The following IRF7 variants were observed in gnomAD, a reference collection of about 807,000 sequenced individuals.
The protein encoded by IRF7 is interferon regulatory factor-7H.
Under a neutral mutation model 51.3 loss-of-function variants are expected in IRF7, and 67 were observed. The observed-to-expected ratio is 1.31, with a 90% CI of 1.07 to 1.60. The LOEUF (loss-of-function observed/expected upper bound fraction) is 1.60. IRF7 is among the 40% of genes most tolerant of loss of function. IRF7 has a pLI of 0.00. For synonymous variants in IRF7, 427 were observed against 301.3 expected (o/e 1.42, Z -4.32); for missense variants, 873 against 701.5 (o/e 1.24, Z -2.76).
rs1856620745 is a variant in IRF7 at position 613,825 on chromosome 11, CG to C, written c.806del (p.Pro269ArgfsTer23). 2 of 1,586,846 alleles carry C rather than the reference CG, an allele frequency of 1.3e-6. No individual in the cohort carries two copies. The highest frequency in any genetic ancestry group is 1.4e-5 in the African/African-American group (1 of 73,670). On this transcript the variant is annotated frameshift_variant, in exon 8 of 11. Coordinates refer to ENST00000525445, the MANE Select transcript of IRF7 (RefSeq NM_001572.5). LOFTEE classifies it high-confidence loss of function. ...AAPESPHQAEPYLSPSPSACT... is the reference protein window; with the variant it reads ...AAPESPHQAEXYLSPSPSACT... ...AGGCGCTTGGGGAGGGTGACAGGTA[CG>C]GCTCTGCCTGGTGCGGGGACTCTGG...
chr11:614,749 G>A (rs981958028), intron 4 of IRF7, 48 bp downstream of exon 4: 3 of 1,500,858 alleles, frequency 2.0e-6, no homozygotes, highest in Non-Finnish European at 2.7e-6. Context: ...GTTCCCCTTT[G>A]CCCAAGCAGG....
chr11:613,765 C>T lies in IRF7; in HGVS notation c.847+20G>A, dbSNP rs751420564. 7 of 1,505,752 alleles carry T rather than the reference C, an allele frequency of 4.6e-6. No individual in the cohort carries two copies. In the East Asian group the frequency reaches 7.3e-5, roughly 16 times the overall value. 93.3% of individuals were successfully genotyped at this position (1,505,752 alleles called of 1,614,324 possible). ...CGGGGGTGGGCGGGGACAGGCTGCC[C>T]CTTCCTGGGATGCACTCACCTTGCA... On this transcript the variant is annotated intron_variant, in intron 8 of 10. Coordinates refer to ENST00000525445, the MANE Select transcript of IRF7 (RefSeq NM_001572.5).
intron 1 of IRF7, 71 bp from the exon 2 acceptor site, chr11:615,718 C>A: frequency 3.0e-6 from 1 of 338,566 alleles, no homozygotes; most frequent in Non-Finnish European, 5.3e-6. Context: ...AACAGTGGCG[C>A]TTCGCACCCT....
chr11:614,632 T>G, intron 4 of IRF7, 98 bp from the exon 5 acceptor site: 1 of 1,466,674 alleles, frequency 6.8e-7, no homozygotes, highest in South Asian at 1.3e-5. Flanking sequence ...CTGTGAACCC[T>G]TAGGCTGTGG....
chr11:613,162 C>A, intron 9 of IRF7, 44 bp downstream of exon 9: 1 of 1,604,342 alleles, frequency 6.2e-7, no homozygotes, highest in Non-Finnish European at 8.5e-7. Context: ...CAGGTGCTCC[C>A]AAGGACCCCT....
chr11:614,409 A>G lies in IRF7; in HGVS notation c.454-10T>C. The stretch of plus-strand genomic sequence containing the variant: ...GCCCTGGGGGCCCACCCTGCAGGGA[A>G]AAGTCAGGGTGAACGTAAGCAGCTC... On this transcript the variant is annotated splice_polypyrimidine_tract_variant and intron_variant, in intron 5 of 10. Transcript: ENST00000525445. 1 of 1,596,722 alleles carries G rather than the reference A, an allele frequency of 6.3e-7. No homozygotes were observed. Among genetic ancestry groups the G allele is most frequent in the Non-Finnish European group, 8.5e-7 (1 of 1,171,932 alleles).
Position 614,866 on chromosome 11 carries a change from G to T in IRF7, c.325C>A (p.Arg109=), listed in dbSNP as rs373822391. 13 of 1,575,338 alleles carry T rather than the reference G, an allele frequency of 8.3e-6. No homozygotes were observed. In the African/African-American group the frequency reaches 1.4e-4, roughly 16 times the overall value. The change falls in exon 4 of 11, where the codon CGG becomes AGG. Residue 109 remains arginine (R), a synonymous_variant. Coordinates refer to ENST00000525445, the MANE Select transcript of IRF7 (RefSeq NM_001572.5). Reference sequence around the variant, plus strand: ...TCGGCCGGGTCCCCCGAGTTATCCCGCAGCATCACGAAGCGACGCGTGCTG... The same window carrying T: ...TCGGCCGGGTCCCCCGAGTTATCCCTCAGCATCACGAAGCGACGCGTGCTG... ...LRSTRRFVML[R]DNSGDPADPH...
Position 612,788 on chromosome 11 carries a change from G to C in IRF7, c.1369C>G (p.Leu457Val). 1 of 1,610,410 alleles carries C rather than the reference G, an allele frequency of 6.2e-7. No homozygotes were observed. Among genetic ancestry groups the C allele is most frequent in the Admixed American group, 1.7e-5 (1 of 59,998 alleles). ...SLVLVKLEPW[L>V]CRVHLEGTQR... ...GTGCCCTCTAGGTGCACTCGGCACA[G>C]CCAGGGTTCCAGCTGCCAGGAGGGA... Residue 457 changes from leucine to valine, a missense_variant, in exon 11 of 11, where the codon CTG becomes GTG. By Grantham distance (32) the Leu-to-Val change is conservative. Transcript: ENST00000525445.
chr11:614,288 G>A lies in IRF7; in HGVS notation c.565C>T (p.Gln189Ter), dbSNP rs1373851610. Residue 189 changes from glutamine to a stop codon, truncating the protein, a stop_gained, in exon 6 of 11, where the codon CAG (glutamine) becomes TAG (stop). Coordinates refer to ENST00000525445, the MANE Select transcript of IRF7 (RefSeq NM_001572.5). LOFTEE classifies it high-confidence loss of function. Reference sequence around the variant, plus strand: ...AGCAGATGGTCTGCCAGGCAGCTCTGTTGCACTGCCTGGAGCAGGAGGTCC... The same window carrying A: ...AGCAGATGGTCTGCCAGGCAGCTCTATTGCACTGCCTGGAGCAGGAGGTCC... ...KGDLLLQAVQ[Q>*]SCLADHLLTA... is the part of the protein sequence containing the mutation. The A allele has an allele frequency of 6.2e-7, 1 of 1,612,144 alleles. No homozygotes were observed.
chr11:614,332 G>A lies in IRF7; in HGVS notation c.521C>T (p.Ala174Val), dbSNP rs1435198271. 10 of 1,611,062 alleles carry A rather than the reference G, an allele frequency of 6.2e-6. No homozygotes were observed. The highest frequency in any genetic ancestry group is 8.5e-6 in the Non-Finnish European group (10 of 1,179,458). ...GAGGTCCCCCTTGTCACCAGCTGGG[G>A]CAGGGAGGGGGCCTGGGGCTTGGAG... ...AGLQAPGPLPAPAGDKGDLLL... is the reference protein window; with the variant it reads ...AGLQAPGPLPVPAGDKGDLLL... The change falls in exon 6 of 11, where the codon GCC becomes GTC. Residue 174 changes from alanine to valine, a missense_variant. By Grantham distance (64) the Ala-to-Val change is moderately conservative. Transcript: ENST00000525445.
chr11:612,780 TC>T lies in IRF7; in HGVS notation c.1376del (p.Arg459GlnfsTer4). ...VLVKLEPWLCRVHLEGTQREG... is the reference protein window; with the variant it reads ...VLVKLEPWLCXVHLEGTQREG... ...CACGCTGCGTGCCCTCTAGGTGCAC[TC>T]GGCACAGCCAGGGTTCCAGCTGCCA... On this transcript the variant is annotated frameshift_variant, in exon 11 of 11. Transcript: ENST00000525445. LOFTEE classifies it high-confidence loss of function. 2 of 1,611,078 alleles carry T rather than the reference TC, an allele frequency of 1.2e-6. No individual in the cohort carries two copies. The highest frequency in any genetic ancestry group is 8.5e-7 in the Non-Finnish European group (1 of 1,179,954).
rs545572974 is a variant in IRF7, at chr11:612,584, C to G, written c.*61G>C. ...CTGGAGTTCTTTTTATTAGACTGGG[C>G]GGCCGCGGCCAGCTCTAGGTGGGCT... On this transcript the variant is annotated 3_prime_UTR_variant, in exon 11 of 11. Coordinates refer to ENST00000525445, the MANE Select transcript of IRF7 (RefSeq NM_001572.5). The G allele has an allele frequency of 6.3e-7, 1 of 1,582,434 alleles. No homozygotes were observed. The highest frequency in any genetic ancestry group is 1.3e-5 in the African/African-American group (1 of 74,290).
At position 615,431 on chromosome 11, in the gene IRF7, C is replaced by T. The variant is rs1320037810; in HGVS notation, c.-67G>A. The T allele has an allele frequency of 2.1e-6, 3 of 1,439,096 alleles. No homozygotes were observed. The highest frequency in any genetic ancestry group is 1.4e-5 in the South Asian group (1 of 69,302). The allele number at this position is 1,439,096 out of a possible 1,614,324, so 89.1% of individuals were successfully genotyped here. A position where few individuals can be genotyped will look rare whatever the true frequency, so the allele number is the denominator to read the frequency against. On this transcript the variant is annotated 5_prime_UTR_variant, in exon 2 of 11. Coordinates refer to ENST00000525445, the MANE Select transcript of IRF7 (RefSeq NM_001572.5). ...TAACAGGGGAGGTAAGGGCTCCTGT[C>T]GCAGCAGACGCCAGGCCGCGGCCAC...
Position 612,660 on chromosome 11 carries a change from C to T in IRF7, c.1497G>A (p.Leu499=), listed in dbSNP as rs751979131. ...YDDIECFLME[L]EQPA Reference sequence around the variant, plus strand: ...AGACTGGGTTCTAGGCGGGCTGCTCCAGCTCCATAAGGAAGCACTCGATGT... The same window carrying T: ...AGACTGGGTTCTAGGCGGGCTGCTCTAGCTCCATAAGGAAGCACTCGATGT... The change falls in exon 11 of 11, where the codon CTG becomes CTA. Residue 499 remains leucine, a synonymous_variant. Coordinates refer to ENST00000525445, the MANE Select transcript of IRF7 (RefSeq NM_001572.5). 4.3e-6 allele frequency: 7 copies of T among 1,612,958 alleles called. No homozygotes were observed. Among genetic ancestry groups the T allele is most frequent in the Non-Finnish European group, 5.9e-6 (7 of 1,180,012 alleles).
Position 613,931 on chromosome 11 carries a change from C to A in IRF7, c.766+20G>T. The A allele has an allele frequency of 6.2e-7, 1 of 1,603,506 alleles. No homozygotes were observed. The highest frequency in any genetic ancestry group is 8.5e-7 in the Non-Finnish European group (1 of 1,176,534). On this transcript the variant is annotated intron_variant, in intron 7 of 10. Transcript: ENST00000525445. ...AGCCTCTCCCTGTGCCCCAGGCCTC[C>A]CAACCCCTACCCCTCTCACCTGTCG...
Position 615,079 on chromosome 11 carries a change from C to T in IRF7, c.183+18G>A, listed in dbSNP as rs1856757185. On this transcript the variant is annotated intron_variant, in intron 3 of 10. Coordinates refer to ENST00000525445, the MANE Select transcript of IRF7 (RefSeq NM_001572.5). ...GCGGGCTCTCCCACCCGGGGCGGGG[C>T]GGGGCTGGGGTCCCCACCTTGAAGA... 5 of 1,567,660 alleles carry T rather than the reference C, an allele frequency of 3.2e-6. No homozygotes were observed. Among genetic ancestry groups the T allele is most frequent in the East Asian group, 4.7e-5 (2 of 42,920 alleles).
intron 10 of IRF7, 93 bp downstream of exon 10, chr11:612,906 C>T: frequency 6.3e-7 from 1 of 1,582,718 alleles, no homozygotes; most frequent in Non-Finnish European, 8.6e-7. Flanking sequence ...CGGTGTATGG[C>T]CTCCCCTCCC....
chr11:615,887 C>T (rs897462469), intron 1 of IRF7, 26 bp downstream of exon 1: 2 of 154,378 alleles, frequency 1.3e-5, no homozygotes, highest in African/African-American at 4.8e-5. Flanking sequence ...CCGGCCTGCA[C>T]CGCGTGGGTC....
In IRF7 at chr11:615,176, T is replaced by G. The variant is rs776661844; in HGVS notation, c.104A>C (p.Glu35Ala). 6.2e-7 allele frequency: 1 copy of G among 1,603,790 alleles called. No homozygotes were observed. The highest frequency in any genetic ancestry group is 8.5e-7 in the Non-Finnish European group (1 of 1,178,852). Residue 35 changes from glutamate to alanine, a missense_variant, in exon 3 of 11, where the codon GAG becomes GCG. Transcript: ENST00000525445. ...GGGCACGCGGAAACAGGTGCGGGCCTCGTCCAGCCACTGCAGCCCCTCATA... is the reference window on the plus strand; with the variant it reads ...GGGCACGCGGAAACAGGTGCGGGCCGCGTCCAGCCACTGCAGCCCCTCATA... Reference protein sequence around the residue: ...GCYEGLQWLDEARTCFRVPWK... With the variant: ...GCYEGLQWLDAARTCFRVPWK...
Sources: gnomAD v4.1 joint callset for allele counts on GRCh38, gnomAD v4.1.1 for gene constraint, MANE v1.5 for transcripts, NCBI Gene and HGNC (gene_info 2026-07-23, HGNC 2026-07-21) for gene names.